Variants in RAB3GAP2 observed in about 807,000 individuals in gnomAD.
RAB3GAP2 encodes RAB3 GTPase activating non-catalytic protein subunit 2.
In RAB3GAP2, 87 loss-of-function variants were observed where a neutral mutation model predicts 185.3. The ratio of observed to expected loss-of-function variants is 0.47; its 90% CI spans 0.39 to 0.56. RAB3GAP2 has a LOEUF of 0.56. Among genes scored for constraint, RAB3GAP2 ranks in the 20% least tolerant of loss-of-function variants. RAB3GAP2 has a pLI of 0.00. For synonymous variants in RAB3GAP2, 554 were observed against 576.1 expected (o/e 0.96, Z 0.55); for missense variants, 1,492 against 1,638.2 (o/e 0.91, Z 1.54).
rs977585855 is a variant in RAB3GAP2, at chr1:220,252,543, C to T, written c.115+19680G>A. 6.6e-5 allele frequency among the ~76,000 whole-genome samples: 10 copies of T among 152,306 alleles called. No individual in the cohort carries two copies. The East Asian group carries it at 1.2e-3, about 18-fold the overall frequency. ...GACAAACAGCTTGACCCAAAGAGAA[C>T]GAAGAAAAGTACGAGGGAGTGGAGG... On this transcript the variant is annotated intron_variant, in intron 1 of 34. Coordinates refer to ENST00000358951, the MANE Select transcript of RAB3GAP2 (RefSeq NM_012414.4).
intron 19 of RAB3GAP2, 93 bp from the exon 20 acceptor site, chr1:220,183,024 T>C: frequency 9.9e-7 from 1 of 1,009,322 alleles, no homozygotes; most frequent in South Asian, 1.4e-5. Context: ...AAGTCGACTT[T>C]TTAATTAATA....
At chr1:220,253,175 G>A (rs1305619553) in intron 1 of RAB3GAP2, among the ~76,000 whole-genome samples, 2 of 152,200 alleles carry the variant, frequency 1.3e-5, no homozygotes, top group Non-Finnish European at 2.9e-5. Context: ...CTTGGGGTGG[G>A]ACCCTGATAC....
At chr1:220,202,922 AAG>A (rs1658890514) in intron 8 of RAB3GAP2, among the ~76,000 whole-genome samples, 1 of 152,192 alleles carries the variant, frequency 6.6e-6, no homozygotes, top group South Asian at 2.1e-4. Flanking sequence ...CAGCCCGGGT[AAG>A]AGAGGGAGAC....
At chr1:220,228,035 G>A (rs1659434550) in intron 2 of RAB3GAP2, among the ~76,000 whole-genome samples, 1 of 152,192 alleles carries the variant, frequency 6.6e-6, no homozygotes, top group Non-Finnish European at 1.5e-5. Context: ...TTACAGGCGT[G>A]AGCCACCGCG....
chr1:220,190,243 ATTTAAC>A, intron 15 of RAB3GAP2, 97 bp from the exon 16 acceptor site: 7 of 1,501,846 alleles, frequency 4.7e-6, no homozygotes, highest in Non-Finnish European at 6.4e-6. Flanking sequence ...TATATTTCCT[ATTTAAC>A]TTTAAAGATA....
In RAB3GAP2 at chr1:220,213,911, A is replaced by C; in HGVS notation, c.249T>G (p.Ser83=). 1 of 1,613,080 alleles carries C rather than the reference A, an allele frequency of 6.2e-7. No homozygotes were observed. The change falls in exon 3 of 35, where the codon TCT becomes TCG. Residue 83 remains serine (S), a synonymous_variant. Coordinates refer to ENST00000358951, the MANE Select transcript of RAB3GAP2 (RefSeq NM_012414.4). Reference sequence around the variant, plus strand: ...CTATCACCATAAGATCATTGGTTGGAGATAAGGATAAAACACAATCTTGGA... The same window carrying C: ...CTATCACCATAAGATCATTGGTTGGCGATAAGGATAAAACACAATCTTGGA... ...SWLQDCVLSL[S]PTNDLMVIAR...
chr1:220,242,572 A>G (rs1034172129), intron 1 of RAB3GAP2, among the ~76,000 whole-genome samples: 1 of 151,834 alleles, frequency 6.6e-6, no homozygotes, highest in Non-Finnish European at 1.5e-5. Flanking sequence ...TCCGTATTAT[A>G]CCACTGTGTC....
At chr1:220,245,288 T>C (rs1365186756) in intron 1 of RAB3GAP2, among the ~76,000 whole-genome samples, 1 of 152,136 alleles carries the variant, frequency 6.6e-6, no homozygotes, top group Non-Finnish European at 1.5e-5. Flanking sequence ...TGCCAGACAG[T>C]GGGCGCAGGC....
intron 1 of RAB3GAP2, among the ~76,000 whole-genome samples, chr1:220,237,008 G>A (rs1258724546): frequency 6.6e-6 from 1 of 152,106 alleles, no homozygotes; most frequent in African/African-American, 2.4e-5. Context: ...TTCCAAAAAA[G>A]CTAAAAATGG....
At chr1:220,209,744 C>A (rs1266651511) in intron 7 of RAB3GAP2, among the ~76,000 whole-genome samples, 1 of 152,072 alleles carries the variant, frequency 6.6e-6, no homozygotes, top group Non-Finnish European at 1.5e-5. Flanking sequence ...CCAAGTAGTA[C>A]AACAAAGGGA....
In RAB3GAP2 at chr1:220,185,895, G is replaced by T. The variant is rs17622257; in HGVS notation, c.1780-154C>A. Among the ~76,000 whole-genome samples, 11,903 of 152,118 alleles carry T rather than the reference G, an allele frequency of 0.078. 642 individuals carry two copies. Among genetic ancestry groups the T allele is most frequent in the Non-Finnish European group, 0.12 (8,359 of 67,962 alleles). ...GTGTACATATATTAAATCTCAAGTT[G>T]CGTTGTTAAGTAATATACAATCAAC... On this transcript the variant is annotated intron_variant, in intron 17 of 34. Transcript: ENST00000358951.
chr1:220,264,256 T>G (rs1660191146), intron 1 of RAB3GAP2, among the ~76,000 whole-genome samples: 1 of 152,094 alleles, frequency 6.6e-6, no homozygotes, highest in African/African-American at 2.4e-5. Flanking sequence ...CTTGCTTGAG[T>G]TATTACAATT....
intron 1 of RAB3GAP2, among the ~76,000 whole-genome samples, chr1:220,237,095 T>C (rs1659607896): frequency 6.6e-6 from 1 of 152,152 alleles, no homozygotes; most frequent in South Asian, 2.1e-4. Flanking sequence ...AGCCCTAAGC[T>C]CTGGTATAAC....
At position 220,242,670 on chromosome 1, in the gene RAB3GAP2, T is replaced by C. The variant is rs115595823; in HGVS notation, c.116-9807A>G. Among the ~76,000 whole-genome samples, 1,400 of 152,338 alleles carry C rather than the reference T, an allele frequency of 9.2e-3. 25 individuals carry two copies. Among genetic ancestry groups the C allele is most frequent in the African/African-American group, 0.032 (1,315 of 41,570 alleles). On this transcript the variant is annotated intron_variant, in intron 1 of 34. Transcript: ENST00000358951. ...TAAGCACTTCCTTGTAACATGAAAC[T>C]GTATACTGATTTTTTGACTTTACAA...
chr1:220,199,639 A>T (rs1284969623), intron 9 of RAB3GAP2, among the ~76,000 whole-genome samples: 1 of 152,146 alleles, frequency 6.6e-6, no homozygotes, highest in African/African-American at 2.4e-5. Flanking sequence ...CTGTGTCAGA[A>T]GTTAACCTGT....
chr1:220,247,182 A>G (rs1368713062), intron 1 of RAB3GAP2, among the ~76,000 whole-genome samples: 1 of 152,206 alleles, frequency 6.6e-6, no homozygotes, highest in African/African-American at 2.4e-5. Context: ...TACAACCTCT[A>G]TGGAAAACTG....
chr1:220,184,541 G>T (rs929721570), intron 18 of RAB3GAP2, among the ~76,000 whole-genome samples: 1 of 151,826 alleles, frequency 6.6e-6, no homozygotes, highest in Non-Finnish European at 1.5e-5. Context: ...CTTTAAAAAG[G>T]GAGACACTGA....
chr1:220,152,639 A>T (rs1033158307), intron 33 of RAB3GAP2, among the ~76,000 whole-genome samples: 3 of 152,138 alleles, frequency 2.0e-5, no homozygotes. Context: ...CTCGGTTCAA[A>T]TGTCACCTTC....
chr1:220,217,231 T>C (rs1437513078), intron 2 of RAB3GAP2, among the ~76,000 whole-genome samples: 1 of 152,146 alleles, frequency 6.6e-6, no homozygotes, highest in Non-Finnish European at 1.5e-5. Flanking sequence ...TTACTTGAGA[T>C]TTGACTCTAA....
Sources: gnomAD v4.1 joint callset for allele counts (sites outside exome capture counted in the v4.1 genomes callset) on GRCh38, gnomAD v4.1.1 for gene constraint, MANE v1.5 for transcripts, NCBI Gene and HGNC (gene_info 2026-07-23, HGNC 2026-07-21) for gene names.